The following THSD7B variants were observed in gnomAD, a reference collection of about 807,000 sequenced individuals.
THSD7B encodes thrombospondin type 1 domain containing 7B.
In THSD7B, 138 loss-of-function variants were observed where a neutral mutation model predicts 213.6. The ratio of observed to expected loss-of-function variants is 0.65; its 90% CI spans 0.56 to 0.74. The LOEUF is 0.74. Among genes scored for constraint, THSD7B ranks in the 30% least tolerant of loss-of-function variants. The probability of loss-of-function intolerance (pLI) is 0.00; values close to 1 mark genes in which losing one functional copy is unlikely to be tolerated. For synonymous variants in THSD7B, 742 were observed against 687.0 expected, an observed-to-expected ratio of 1.08 and a Z score of -1.25; for missense variants, 1,931 against 1,991.5, an observed-to-expected ratio of 0.97 and a Z score of 0.58.
intron 2 of THSD7B, among the ~76,000 whole-genome samples, chr2:136,991,481 T>G (rs1685783513): frequency 6.6e-6 from 1 of 152,100 alleles, no homozygotes; most frequent in African/African-American, 2.4e-5. Context: ...CTTTTTTTTG[T>G]CATGAATATA....
chr2:136,768,606 C>G (rs1388825438), intron 1 of THSD7B, among the ~76,000 whole-genome samples: 1 of 152,070 alleles, frequency 6.6e-6, no homozygotes, highest in Non-Finnish European at 1.5e-5. Context: ...TAAGTAGTGA[C>G]AACTATATTA....
chr2:136,872,838 A>C (rs955601392), intron 1 of THSD7B, among the ~76,000 whole-genome samples: 1 of 141,274 alleles, frequency 7.1e-6, no homozygotes, highest in South Asian at 2.4e-4. Flanking sequence ...AAAAAAAAAA[A>C]GCCAGGCATG....
At chr2:137,015,200 G>A (rs796919251) in intron 2 of THSD7B, among the ~76,000 whole-genome samples, 10 of 152,254 alleles carry the variant, frequency 6.6e-5, no homozygotes, top group African/African-American at 2.2e-4. Flanking sequence ...AGTGCAAATA[G>A]TAATAATGAT....
At chr2:136,778,573 T>C (rs1681656837) in intron 1 of THSD7B, among the ~76,000 whole-genome samples, 1 of 152,222 alleles carries the variant, frequency 6.6e-6, no homozygotes. Context: ...CAAAGTTCTA[T>C]GAGAAATATT....
chr2:137,040,418 G>T (rs1686858178), intron 2 of THSD7B, among the ~76,000 whole-genome samples: 1 of 146,876 alleles, frequency 6.8e-6, no homozygotes, highest in Non-Finnish European at 1.5e-5. Flanking sequence ...TTTTGAGTTG[G>T]AGTCTCCCTC....
At chr2:136,869,232 C>T (rs779501646) in intron 1 of THSD7B, among the ~76,000 whole-genome samples, 4 of 152,058 alleles carry the variant, frequency 2.6e-5, no homozygotes, top group Non-Finnish European at 2.9e-5. Flanking sequence ...AGCTATTTAC[C>T]GTAGGGTTGC....
intron 12 of THSD7B, among the ~76,000 whole-genome samples, chr2:137,329,868 A>G (rs1214015400): frequency 6.6e-6 from 1 of 152,156 alleles, no homozygotes; most frequent in Non-Finnish European, 1.5e-5. Flanking sequence ...GGCACGTCAG[A>G]GACCTTTGTG....
At chr2:137,433,350 T>A (rs1351899944) in intron 14 of THSD7B, among the ~76,000 whole-genome samples, 1 of 151,782 alleles carries the variant, frequency 6.6e-6, no homozygotes, top group African/African-American at 2.4e-5. Flanking sequence ...TTTGCAATAT[T>A]GTATTTTGTT....
intron 15 of THSD7B, among the ~76,000 whole-genome samples, chr2:137,508,725 A>G (rs190939655): frequency 3.6e-4 from 54 of 152,004 alleles, no homozygotes; most frequent in African/African-American, 1.2e-3. Flanking sequence ...GTATAAATTG[A>G]GTCTCAGTAC....
chr2:137,159,640 G>T (rs1452447006), intron 5 of THSD7B, among the ~76,000 whole-genome samples: 1 of 152,054 alleles, frequency 6.6e-6, no homozygotes, highest in Non-Finnish European at 1.5e-5. Flanking sequence ...AGGACATTTG[G>T]GCCTCTGTGT....
At chr2:137,586,270 G>A (rs1440144168) in intron 17 of THSD7B, among the ~76,000 whole-genome samples, 1 of 152,110 alleles carries the variant, frequency 6.6e-6, no homozygotes, top group East Asian at 1.9e-4. Flanking sequence ...GCACACTGAT[G>A]GGTCTTGACA....
intron 12 of THSD7B, among the ~76,000 whole-genome samples, chr2:137,354,408 C>G (rs967722203): frequency 1.3e-5 from 2 of 151,944 alleles, no homozygotes; most frequent in Non-Finnish European, 2.9e-5. Context: ...GGTATACTGT[C>G]GGAAAGAGCA....
At chr2:137,051,568 A>T (rs1687072289) in intron 2 of THSD7B, among the ~76,000 whole-genome samples, 1 of 152,196 alleles carries the variant, frequency 6.6e-6, no homozygotes, top group African/African-American at 2.4e-5. Flanking sequence ...GAGGTTTATG[A>T]GTGCTTTGAT....
intron 12 of THSD7B, among the ~76,000 whole-genome samples, chr2:137,289,798 G>T (rs1259367684): frequency 1.3e-5 from 2 of 151,232 alleles, no homozygotes; most frequent in Non-Finnish European, 3.0e-5. Context: ...GAAGAAAAAA[G>T]AGAAAAAAAA....
At chr2:137,015,479 C>T (rs1403084106) in intron 2 of THSD7B, among the ~76,000 whole-genome samples, 1 of 152,148 alleles carries the variant, frequency 6.6e-6, no homozygotes, top group African/African-American at 2.4e-5. Flanking sequence ...CTTTCTGCTG[C>T]TCCAGAGTCA....
intron 7 of THSD7B, among the ~76,000 whole-genome samples, chr2:137,195,850 C>T (rs1680749635): frequency 6.6e-6 from 1 of 152,126 alleles, no homozygotes; most frequent in Admixed American, 6.6e-5. Flanking sequence ...AGGATATTTA[C>T]ATCATCTGAA....
At chr2:137,285,126 G>A (rs1683138102) in intron 12 of THSD7B, among the ~76,000 whole-genome samples, 1 of 152,140 alleles carries the variant, frequency 6.6e-6, no homozygotes, top group Admixed American at 6.5e-5. Flanking sequence ...AGTTCTTCTT[G>A]TTGAATTGAT....
intron 17 of THSD7B, among the ~76,000 whole-genome samples, chr2:137,584,380 CGAG>C (rs1357089040): frequency 6.6e-6 from 1 of 151,224 alleles, no homozygotes; most frequent in Non-Finnish European, 1.5e-5. Context: ...ACTATGAATA[CGAG>C]TGGTGTGAGA....
intron 2 of THSD7B, among the ~76,000 whole-genome samples, chr2:136,974,392 C>G (rs1685448208): frequency 6.6e-6 from 1 of 151,932 alleles, no homozygotes; most frequent in South Asian, 2.1e-4. Context: ...TTGTTCTCCT[C>G]CCTGTATCCA....
Sources: gnomAD v4.1 joint callset for allele counts (sites outside exome capture counted in the v4.1 genomes callset) on GRCh38, gnomAD v4.1.1 for gene constraint, MANE v1.5 for transcripts, NCBI Gene and HGNC (gene_info 2026-07-23, HGNC 2026-07-21) for gene names.